The following MAGI2 variants were observed in gnomAD, a reference collection of about 807,000 sequenced individuals.
MAGI2 encodes the protein membrane-associated guanylate kinase, WW and PDZ domain-containing protein 2.
In MAGI2, 35 loss-of-function variants were observed where a neutral mutation model predicts 133.3. That is an observed-to-expected ratio of 0.26 (90% CI 0.20 to 0.35). The LOEUF (loss-of-function observed/expected upper bound fraction) is 0.35. Among genes scored for constraint, MAGI2 ranks in the 10% least tolerant of loss-of-function variants. The pLI is 1.00. For missense variants in MAGI2, 1,636 were observed against 1,863.4 expected (o/e 0.88, Z 2.25); for synonymous variants, 729 against 710.6 (o/e 1.03, Z -0.41).
intron 9 of MAGI2, among the ~76,000 whole-genome samples, chr7:78,265,506 G>T (rs1191501832): frequency 6.6e-6 from 1 of 152,160 alleles, no homozygotes; most frequent in Non-Finnish European, 1.5e-5. Flanking sequence ...TATCAGAGGG[G>T]TTGTATAAGA....
intron 2 of MAGI2, among the ~76,000 whole-genome samples, chr7:78,781,232 AGCCGGACATG>A (rs2151340416): frequency 6.6e-6 from 1 of 151,846 alleles, no homozygotes; most frequent in African/African-American, 2.4e-5. Context: ...ACAAAAAATT[AGCCGGACATG>A]GTGGCGGGCG....
chr7:78,207,411 G>T (rs957728120), intron 10 of MAGI2, among the ~76,000 whole-genome samples: 5 of 152,100 alleles, frequency 3.3e-5, no homozygotes, highest in African/African-American at 1.2e-4. Flanking sequence ...TAATTGGATG[G>T]AGAAAAATAC....
chr7:78,248,051 AAAGT>A (rs989369436), intron 10 of MAGI2, among the ~76,000 whole-genome samples: 6 of 152,236 alleles, frequency 3.9e-5, no homozygotes, highest in Non-Finnish European at 5.9e-5. Context: ...GTCAAAAGAA[AAAGT>A]AAGAATTTAA....
intron 2 of MAGI2, among the ~76,000 whole-genome samples, chr7:78,819,976 A>G (rs537701667): frequency 5.3e-5 from 8 of 152,152 alleles, no homozygotes; most frequent in African/African-American, 1.9e-4. Context: ...GAGACACAAT[A>G]CATCTATTTA....
At chr7:78,784,264 T>C (rs543487776) in intron 2 of MAGI2, among the ~76,000 whole-genome samples, 1 of 152,004 alleles carries the variant, frequency 6.6e-6, no homozygotes, top group Admixed American at 6.5e-5. Flanking sequence ...GTATGGCATG[T>C]TGGCATGCTG....
intron 2 of MAGI2, among the ~76,000 whole-genome samples, chr7:78,920,278 G>A (rs1186600439): frequency 6.6e-6 from 1 of 152,080 alleles, no homozygotes; most frequent in Admixed American, 6.6e-5. Context: ...TACACCAGCT[G>A]TAAAATGAGA....
Position 78,150,641 on chromosome 7 carries a change from C to T in MAGI2, c.2845+9384G>A, listed in dbSNP as rs565002052. 9.9e-5 allele frequency among the ~76,000 whole-genome samples: 15 copies of T among 152,218 alleles called. No homozygotes were observed. The South Asian group carries it at 1.0e-3, about 11-fold the overall frequency. ...CTGCAGGACATAAGCCCAGAGGAAA[C>T]GGCCACTGATCACCCATTTATGAGC... On this transcript the variant is annotated intron_variant, in intron 16 of 21. Transcript: ENST00000354212.
At chr7:78,137,036 T>A (rs1463397759) in intron 16 of MAGI2, among the ~76,000 whole-genome samples, 1 of 152,248 alleles carries the variant, frequency 6.6e-6, no homozygotes, top group East Asian at 1.9e-4. Flanking sequence ...AATGATCATC[T>A]TAGAATCTTA....
intron 3 of MAGI2, among the ~76,000 whole-genome samples, chr7:78,534,836 GA>G (rs78298172): frequency 2.0e-5 from 3 of 150,618 alleles, no homozygotes; most frequent in Non-Finnish European, 3.0e-5. Context: ...AGTGAAATTA[GA>G]AAAAAAAATG....
chr7:78,793,622 ATCT>A (rs1384827575), intron 2 of MAGI2, among the ~76,000 whole-genome samples: 2 of 152,224 alleles, frequency 1.3e-5, no homozygotes, highest in East Asian at 1.9e-4. Flanking sequence ...AAAAAATGTG[ATCT>A]TCTCAATAGA....
intron 15 of MAGI2, among the ~76,000 whole-genome samples, chr7:78,160,478 A>G (rs545628983): frequency 2.6e-5 from 4 of 152,352 alleles, no homozygotes; most frequent in South Asian, 4.1e-4. Context: ...TAGTTTTCAT[A>G]GCAAACAGAG....
At chr7:78,516,705 T>G (rs1796074220) in intron 4 of MAGI2, among the ~76,000 whole-genome samples, 1 of 152,130 alleles carries the variant, frequency 6.6e-6, no homozygotes, top group African/African-American at 2.4e-5. Context: ...AAAAGGTAAT[T>G]GGATCAGGAA....
intron 2 of MAGI2, among the ~76,000 whole-genome samples, chr7:78,969,304 A>C (rs1336218058): frequency 5.3e-5 from 8 of 152,070 alleles, no homozygotes. Context: ...CCGCCTCTTC[A>C]AGCCTCTGTA....
At chr7:78,444,970 C>T (rs1003971732) in intron 6 of MAGI2, among the ~76,000 whole-genome samples, 1 of 150,506 alleles carries the variant, frequency 6.6e-6, no homozygotes, top group Non-Finnish European at 1.5e-5. Context: ...ACATATAATA[C>T]TGTGCATTAA....
chr7:78,091,196 G>A lies in MAGI2; in HGVS notation c.3568-12111C>T, dbSNP rs146980657. On this transcript the variant is annotated intron_variant, in intron 20 of 21. Transcript: ENST00000354212. ...CTGCACCCACTGCTATGGTCTGAAT[G>A]TGTCCCTCCAAATTCATGTGTTTGA... is the stretch of plus-strand genomic sequence containing the variant. Among the ~76,000 whole-genome samples, 505 of 152,228 alleles carry A rather than the reference G, an allele frequency of 3.3e-3. 7 individuals carry two copies. The highest frequency in any genetic ancestry group is 3.3e-3 in the Non-Finnish European group (222 of 68,008).
At chr7:78,429,348 C>G (rs1584067489) in intron 6 of MAGI2, among the ~76,000 whole-genome samples, 1 of 151,930 alleles carries the variant, frequency 6.6e-6, no homozygotes, top group East Asian at 1.9e-4. Context: ...CAATTCCAAG[C>G]ATTTGTGAGA....
intron 3 of MAGI2, among the ~76,000 whole-genome samples, chr7:78,544,474 T>C (rs1798656421): frequency 1.3e-5 from 2 of 152,342 alleles, no homozygotes; most frequent in African/African-American, 4.8e-5. Flanking sequence ...AAGGTGGGGA[T>C]ACAATTATAT....
intron 1 of MAGI2, among the ~76,000 whole-genome samples, chr7:79,367,167 C>T (rs116213910): frequency 0.01 from 1,543 of 152,228 alleles, 27 homozygotes; most frequent in African/African-American, 0.036. Context: ...ACCCATCCGT[C>T]GCAAGAATTT....
At chr7:78,114,554 C>G (rs1819670830) in intron 20 of MAGI2, among the ~76,000 whole-genome samples, 1 of 152,244 alleles carries the variant, frequency 6.6e-6, no homozygotes, top group Non-Finnish European at 1.5e-5. Context: ...GGCAAAGCCT[C>G]CAGCCAGGCA....
Sources: gnomAD v4.1 joint callset for allele counts (sites outside exome capture counted in the v4.1 genomes callset) on GRCh38, gnomAD v4.1.1 for gene constraint, MANE v1.5 for transcripts, NCBI Gene and HGNC (gene_info 2026-07-23, HGNC 2026-07-21) for gene names.